FREM3: variants seen among roughly 807,000 people sequenced by gnomAD.
The protein encoded by FREM3 is FRAS1-related extracellular matrix protein 3.
A neutral mutation model predicts 129.1 loss-of-function variants in FREM3; 105 were observed. The ratio of observed to expected loss-of-function variants is 0.81; its 90% CI spans 0.69 to 0.96. The LOEUF is 0.96. Among genes scored for constraint, FREM3 ranks in the 40% least tolerant of loss-of-function variants. FREM3 has a pLI of 0.00. For missense variants in FREM3, 2,593 were observed against 2,666.3 expected, an observed-to-expected ratio of 0.97 and a Z score of 0.61; for synonymous variants, 1,014 against 1,044.9, an observed-to-expected ratio of 0.97 and a Z score of 0.57.
chr4:143,587,614 C>A (rs758802390), intron 6 of FREM3, among the ~76,000 whole-genome samples: 1 of 152,156 alleles, frequency 6.6e-6, no homozygotes, highest in Non-Finnish European at 1.5e-5. Context: ...TCTGATGCCT[C>A]CACGGTTGGG....
intron 2 of FREM3, among the ~76,000 whole-genome samples, chr4:143,674,895 G>A (rs900727365): frequency 3.3e-5 from 5 of 152,150 alleles, no homozygotes; most frequent in African/African-American, 4.8e-5. Context: ...CATAAAGCAA[G>A]TCCTGAGAGA....
At chr4:143,627,134 C>T (rs1739052645) in intron 3 of FREM3, among the ~76,000 whole-genome samples, 1 of 152,112 alleles carries the variant, frequency 6.6e-6, no homozygotes, top group African/African-American at 2.4e-5. Context: ...AGAAATTTGA[C>T]ACCGTACATG....
chr4:143,675,926 G>A lies in FREM3; in HGVS notation c.5275+17187C>T, dbSNP rs574605340. 4.3e-4 allele frequency among the ~76,000 whole-genome samples: 65 copies of A among 152,030 alleles called. 1 individual carries two copies. The highest frequency in any genetic ancestry group is 7.2e-4 in the Admixed American group (11 of 15,272). Reference sequence around the variant, plus strand: ...AGCTTACCAACCAAAAAAAGTCCAGGACCAGATGGATTCACAGCCGAATTC... The same window carrying A: ...AGCTTACCAACCAAAAAAAGTCCAGAACCAGATGGATTCACAGCCGAATTC... On this transcript the variant is annotated intron_variant, in intron 2 of 7. Coordinates refer to ENST00000329798, the MANE Select transcript of FREM3 (RefSeq NM_001168235.2).
chr4:143,636,696 T>C (rs1739238485), intron 2 of FREM3, among the ~76,000 whole-genome samples: 1 of 152,050 alleles, frequency 6.6e-6, no homozygotes, highest in South Asian at 2.1e-4. Flanking sequence ...CTAATTCTAA[T>C]TTCTAATATA....
chr4:143,627,484 A>G (rs1739060881), intron 3 of FREM3, 130 bp downstream of exon 3: 1 of 808,792 alleles, frequency 1.2e-6, no homozygotes, highest in Non-Finnish European at 1.9e-6. Flanking sequence ...ACATTTTCAC[A>G]GACACTTTTT....
chr4:143,674,519 A>G (rs1740069006), intron 2 of FREM3, among the ~76,000 whole-genome samples: 1 of 152,256 alleles, frequency 6.6e-6, no homozygotes, highest in Non-Finnish European at 1.5e-5. Context: ...TCGTAATGAT[A>G]GGATCAAATT....
intron 2 of FREM3, among the ~76,000 whole-genome samples, chr4:143,634,636 T>TC (rs1369814251): frequency 6.6e-6 from 1 of 151,754 alleles, no homozygotes; most frequent in Admixed American, 6.6e-5. Context: ...CGACTGAGAG[T>TC]CCCCTTCTGG....
chr4:143,620,903 G>T, intron 5 of FREM3, 134 bp downstream of exon 5: 1 of 818,528 alleles, frequency 1.2e-6, no homozygotes, highest in Non-Finnish European at 1.9e-6. Context: ...TCGCAGCAGG[G>T]CATGGACAAT....
intron 5 of FREM3, among the ~76,000 whole-genome samples, chr4:143,612,925 G>C (rs1310626245): frequency 6.6e-6 from 1 of 152,192 alleles, no homozygotes; most frequent in Non-Finnish European, 1.5e-5. Context: ...CTCCAGTCTT[G>C]TAAGAGTCTT....
At chr4:143,602,634 C>A (rs771710387) in intron 6 of FREM3, among the ~76,000 whole-genome samples, 1 of 149,726 alleles carries the variant, frequency 6.7e-6, no homozygotes, top group Non-Finnish European at 1.5e-5. Flanking sequence ...AGTTAAATAT[C>A]ATTAACTCTG....
Position 143,581,329 on chromosome 4 carries a change from C to T in FREM3, c.6179-3477G>A, listed in dbSNP as rs192964736. On this transcript the variant is annotated intron_variant, in intron 7 of 7. Coordinates refer to ENST00000329798, the MANE Select transcript of FREM3 (RefSeq NM_001168235.2). The stretch of plus-strand genomic sequence containing the variant: ...TGCCATTGCAGCTGCAGTGGTACTG[C>T]CCTTACTGCCCTCAGACTGGGGAAG... Among the ~76,000 whole-genome samples the T allele has an allele frequency of 8.8e-4, 134 of 152,338 alleles. 2 individuals are homozygous for T. The highest frequency in any genetic ancestry group is 3.4e-3 in the Middle Eastern group (1 of 294).
chr4:143,624,049 T>A, intron 4 of FREM3, 59 bp downstream of exon 4: 1 of 978,150 alleles, frequency 1.0e-6, no homozygotes, highest in Non-Finnish European at 1.6e-6. Flanking sequence ...GTATGAATGC[T>A]GGAAATGGAG....
chr4:143,607,878 C>T (rs769169996), intron 6 of FREM3, among the ~76,000 whole-genome samples: 10 of 152,094 alleles, frequency 6.6e-5, no homozygotes, highest in Admixed American at 1.3e-4. Context: ...AGGGTGTTGC[C>T]AGGGCTGTGT....
rs1740663106 is a variant in FREM3, at chr4:143,699,973, G to A, written c.703C>T (p.Pro235Ser). The A allele has an allele frequency of 8.6e-6, 13 of 1,508,488 alleles. 1 individual carries two copies. The highest frequency in any genetic ancestry group is 8.8e-6 in the Non-Finnish European group (10 of 1,130,450). The allele number at this position is 1,508,488 out of a possible 1,614,324, so 93.4% of individuals were successfully genotyped here. A position where few individuals can be genotyped will look rare whatever the true frequency, so the allele number is the denominator to read the frequency against. ...TCACAGTCTACGCCCTTGCCCCTGG[G>A]GAGAGGGGCCCCCACCGCGTCCACC... ...RLVDAVGAPL[P>S]RGKGVDCEAF... Residue 235 changes from proline (P) to serine (S), a missense_variant, in exon 1 of 8, where the codon CCC becomes TCC. By Grantham distance (74) the Pro-to-Ser change is moderately conservative. Coordinates refer to ENST00000329798, the MANE Select transcript of FREM3 (RefSeq NM_001168235.2). This position sits in a 1 kb window ranked among gnomAD's most constrained non-coding sequence, Gnocchi z 4.2.
chr4:143,579,251 T>G (rs1738092965), intron 7 of FREM3, among the ~76,000 whole-genome samples: 1 of 152,104 alleles, frequency 6.6e-6, no homozygotes, highest in African/African-American at 2.4e-5. Context: ...GCCAGGAGTT[T>G]GAGACCAGCC....
At chr4:143,664,127 A>T (rs1203793906) in intron 2 of FREM3, among the ~76,000 whole-genome samples, 4 of 152,088 alleles carry the variant, frequency 2.6e-5, no homozygotes, top group African/African-American at 9.7e-5. Context: ...GTTGCTGGTG[A>T]GGAACTGCAT....
At chr4:143,583,069 G>C (rs370226520) in intron 7 of FREM3, among the ~76,000 whole-genome samples, 2 of 151,806 alleles carry the variant, frequency 1.3e-5, no homozygotes, top group East Asian at 1.9e-4. Context: ...TTTTTGAAGA[G>C]ATGGGGTTTT....
chr4:143,645,437 G>A (rs561514831), intron 2 of FREM3, among the ~76,000 whole-genome samples: 1 of 152,272 alleles, frequency 6.6e-6, no homozygotes, highest in Admixed American at 6.5e-5. Flanking sequence ...TTGTGTATGC[G>A]ATTAACATTT....
rs1739110917 is a variant in FREM3 at position 143,630,068 on chromosome 4, A to G, written c.5276-2308T>C. 2.0e-5 allele frequency among the ~76,000 whole-genome samples: 3 copies of G among 152,182 alleles called. No individual in the cohort carries two copies. In the South Asian group the frequency reaches 6.2e-4, roughly 32 times the overall value. ...TGAAGAGCATAGACTCCTGAGTCAC[A>G]TGGACCCAGGTTCTGGGCCTGCCAC... is the stretch of plus-strand genomic sequence containing the variant. On this transcript the variant is annotated intron_variant, in intron 2 of 7. Transcript: ENST00000329798.
Sources: allele counts gnomAD v4.1 joint callset (sites outside exome capture counted in the v4.1 genomes callset), GRCh38; gene constraint gnomAD v4.1.1; non-coding constraint Gnocchi (gnomAD v3.1); transcripts MANE v1.5; gene names NCBI Gene and HGNC (gene_info 2026-07-23, HGNC 2026-07-21).